Variants in GLIS3 observed in about 807,000 individuals in gnomAD.
GLIS3 encodes zinc finger protein GLIS3.
A neutral mutation model predicts 78.6 loss-of-function variants in GLIS3; 53 were observed. That is an observed-to-expected ratio of 0.67 (90% CI 0.54 to 0.85). The LOEUF (loss-of-function observed/expected upper bound fraction) is 0.85, where lower values mean the gene tolerates loss of function less well. GLIS3 is among the 40% of genes least tolerant of loss of function. GLIS3 has a pLI of 0.00. For synonymous variants in GLIS3, 684 were observed against 509.9 expected (o/e 1.34, Z -4.60); for missense variants, 1,703 against 1,231.1 (o/e 1.38, Z -5.74).
chr9:4,469,259 T>C, the GLIS3 span, among the ~76,000 whole-genome samples: 1 of 152,124 alleles, frequency 6.6e-6, no homozygotes, highest in Non-Finnish European at 1.5e-5. Context: ...TATCCAGGAA[T>C]TGAACTCAGC....
intron 2 of GLIS3, among the ~76,000 whole-genome samples, chr9:4,242,404 T>C (rs937575350): frequency 6.6e-6 from 1 of 152,196 alleles, no homozygotes; most frequent in Admixed American, 6.5e-5. Flanking sequence ...AACAATTCCC[T>C]TTATTCAGGG....
intron 3 of GLIS3, 101 bp downstream of exon 3, chr9:4,125,633 A>ACTGTGT: frequency 1.3e-6 from 1 of 771,610 alleles, no homozygotes; most frequent in South Asian, 1.4e-5. Flanking sequence ...TAAGTGTATG[A>ACTGTGT]GTGTGTGTGT....
intron 4 of GLIS3, among the ~76,000 whole-genome samples, chr9:4,035,529 T>C (rs1290444767): frequency 6.6e-6 from 1 of 151,968 alleles, no homozygotes; most frequent in African/African-American, 2.4e-5. Context: ...ATTTTCTGCT[T>C]TCCCTTCCCC....
At chr9:4,485,748 T>C in the GLIS3 span, among the ~76,000 whole-genome samples, 1 of 151,316 alleles carries the variant, frequency 6.6e-6, no homozygotes. Flanking sequence ...CGGAGTTTTG[T>C]TCGCTCTTGT....
At chr9:4,365,118 A>T in the GLIS3 span, among the ~76,000 whole-genome samples, 1 of 151,862 alleles carries the variant, frequency 6.6e-6, no homozygotes, top group East Asian at 1.9e-4. Flanking sequence ...GTCATCAGAT[A>T]TTATCAGAAA....
At chr9:4,072,489 G>T (rs1351139744) in intron 4 of GLIS3, among the ~76,000 whole-genome samples, 2 of 152,026 alleles carry the variant, frequency 1.3e-5, no homozygotes, top group Non-Finnish European at 2.9e-5. Flanking sequence ...GGACAGTAAT[G>T]GGTTATTTTT....
intron 4 of GLIS3, chr9:4,305,755 G>A (rs1366869790): frequency 6.6e-6 from 1 of 151,466 alleles, no homozygotes; most frequent in East Asian, 1.9e-4. Flanking sequence ...CCTCTGTGTT[G>A]TGGAGAGAAA....
At chr9:4,483,288 G>GC in the GLIS3 span, among the ~76,000 whole-genome samples, 4 of 152,156 alleles carry the variant, frequency 2.6e-5, no homozygotes, top group African/African-American at 4.8e-5. Context: ...TGTATTTAGT[G>GC]CCCAATGGAG....
chr9:3,916,846 A>G (rs777818807), intron 6 of GLIS3, among the ~76,000 whole-genome samples: 7 of 152,214 alleles, frequency 4.6e-5, no homozygotes, highest in Non-Finnish European at 8.8e-5. Context: ...TGCTCTTGAA[A>G]AAGCAGGTAC....
At chr9:4,215,827 G>C (rs748830308) in intron 2 of GLIS3, among the ~76,000 whole-genome samples, 6 of 152,112 alleles carry the variant, frequency 3.9e-5, no homozygotes, top group Non-Finnish European at 8.8e-5. Flanking sequence ...TACTTGGTTG[G>C]TGTTTGCCTG....
At chr9:3,875,480 C>T (rs979458263) in intron 8 of GLIS3, 2 of 152,086 alleles carry the variant, frequency 1.3e-5, no homozygotes, top group Admixed American at 1.3e-4. Flanking sequence ...TCAATGCCCG[C>T]AAGCAGGAAA....
At chr9:4,346,595 C>A (rs1268618052) in intron 2 of GLIS3, among the ~76,000 whole-genome samples, 1 of 152,200 alleles carries the variant, frequency 6.6e-6, no homozygotes, top group African/African-American at 2.4e-5. Flanking sequence ...GTCTCAGTTG[C>A]ACCTTTATGG....
At chr9:4,390,778 A>C in the GLIS3 span, among the ~76,000 whole-genome samples, 1 of 152,144 alleles carries the variant, frequency 6.6e-6, no homozygotes, top group African/African-American at 2.4e-5. Context: ...ACCTCTCCTT[A>C]TCCTAACTTT....
Position 4,031,340 on chromosome 9 carries a change from T to A in GLIS3, c.1710+86428A>T, listed in dbSNP as rs76269134. ...AATGAGGCACTGATACATACTGCAA[T>A]GTGGATGAACCTTGAATACATGCTA... On this transcript the variant is annotated intron_variant, in intron 4 of 10. Coordinates refer to ENST00000381971, the MANE Select transcript of GLIS3 (RefSeq NM_001042413.2). Among the ~76,000 whole-genome samples the A allele has an allele frequency of 9.3e-3, 1,416 of 152,302 alleles. 26 individuals carry two copies. The highest frequency in any genetic ancestry group is 0.03 in the African/African-American group (1,258 of 41,558).
At chr9:4,388,464 G>A in the GLIS3 span, among the ~76,000 whole-genome samples, 1 of 151,856 alleles carries the variant, frequency 6.6e-6, no homozygotes, top group African/African-American at 2.4e-5. Flanking sequence ...AGATCACGAG[G>A]TCAGGAGTTC....
intron 2 of GLIS3, among the ~76,000 whole-genome samples, chr9:4,176,729 T>C (rs1037845694): frequency 6.6e-6 from 1 of 152,206 alleles, no homozygotes; most frequent in Non-Finnish European, 1.5e-5. Flanking sequence ...GTTCAAATGA[T>C]TCTCCTGACT....
chr9:4,167,940 G>A (rs1040208617), intron 2 of GLIS3, among the ~76,000 whole-genome samples: 2 of 152,140 alleles, frequency 1.3e-5, no homozygotes, highest in African/African-American at 4.8e-5. Context: ...ATCTCCAAAG[G>A]CTCTGACCAG....
the GLIS3 span, among the ~76,000 whole-genome samples, chr9:4,416,103 G>C: frequency 6.6e-6 from 1 of 151,430 alleles, no homozygotes; most frequent in Non-Finnish European, 1.5e-5. Flanking sequence ...ACCATGCAAA[G>C]TGGCCAGGTG....
At chr9:4,030,254 ACTGT>A (rs1399494091) in intron 4 of GLIS3, among the ~76,000 whole-genome samples, 3 of 152,068 alleles carry the variant, frequency 2.0e-5, no homozygotes, top group Non-Finnish European at 2.9e-5. Flanking sequence ...TCTTTTGAGA[ACTGT>A]CTATTCAAAT....
Sources: allele counts gnomAD v4.1 joint callset (sites outside exome capture counted in the v4.1 genomes callset), GRCh38; gene constraint gnomAD v4.1.1; transcripts MANE v1.5; gene names NCBI Gene and HGNC (gene_info 2026-07-23, HGNC 2026-07-21).